Variants in KLRG1 observed in about 807,000 individuals in gnomAD.
KLRG1 encodes killer cell lectin like receptor G1.
Under a neutral mutation model 21.8 loss-of-function variants are expected in KLRG1, and 16 were observed. The ratio of observed to expected loss-of-function variants is 0.73; its 90% confidence interval spans 0.50 to 1.11. KLRG1 has a LOEUF of 1.11. Among genes scored for constraint, KLRG1 ranks in the 50% most tolerant of loss-of-function variants. The probability of loss-of-function intolerance (pLI) is 0.00; values close to 1 mark genes in which losing one functional copy is unlikely to be tolerated. For missense variants in KLRG1, 173 were observed against 218.3 expected (o/e 0.79, Z 1.31); for synonymous variants, 69 against 75.9 (o/e 0.91, Z 0.47).
chr12:8,997,586 G>A (rs1401095219), intron 3 of KLRG1, among the ~76,000 whole-genome samples: 1 of 152,156 alleles, frequency 6.6e-6, no homozygotes, highest in East Asian at 1.9e-4. Context: ...AGTGCTGCTA[G>A]AGAATTTTGT....
the KLRG1 span, among the ~76,000 whole-genome samples, chr12:9,151,274 A>C: frequency 5.9e-5 from 9 of 152,100 alleles, no homozygotes; most frequent in Non-Finnish European, 8.8e-5. Context: ...AGTCCTATTG[A>C]TTTATCACTT....
the KLRG1 span, among the ~76,000 whole-genome samples, chr12:9,144,840 G>A: frequency 4.6e-5 from 7 of 152,178 alleles, no homozygotes; most frequent in East Asian, 5.8e-4. Flanking sequence ...GTTTATTTTC[G>A]TGTTGGAATG....
At chr12:8,968,282 A>G (rs756982371) in intron 1 of KLRG1, among the ~76,000 whole-genome samples, 1 of 132,698 alleles carries the variant, frequency 7.5e-6, no homozygotes, top group East Asian at 1.9e-4. Flanking sequence ...AATCTATACC[A>G]TACAAAGAGA....
chr12:9,091,130 T>G, the KLRG1 span: 1 of 1,518,938 alleles, frequency 6.6e-7, no homozygotes, highest in African/African-American at 1.4e-5. Flanking sequence ...GAGTTTGCAG[T>G]ATTCCTAGGA....
chr12:8,956,838 C>A (rs997063696), intron 1 of KLRG1, among the ~76,000 whole-genome samples: 10 of 152,222 alleles, frequency 6.6e-5, no homozygotes, highest in African/African-American at 1.9e-4. Flanking sequence ...GCAGAAGCTG[C>A]TTGCAGTATA....
the KLRG1 span, chr12:9,115,710 G>A: frequency 7.5e-7 from 1 of 1,336,210 alleles, no homozygotes. Context: ...AGAAAAATCT[G>A]CAATAAATGA....
At chr12:9,074,036 C>T in the KLRG1 span, among the ~76,000 whole-genome samples, 1 of 147,716 alleles carries the variant, frequency 6.8e-6, no homozygotes, top group African/African-American at 2.5e-5. Context: ...TGCAGTGAGC[C>T]GAGATTGCAC....
intron 1 of KLRG1, among the ~76,000 whole-genome samples, chr12:8,960,502 T>G (rs866874263): frequency 2.6e-5 from 4 of 152,208 alleles, no homozygotes; most frequent in African/African-American, 9.7e-5. Flanking sequence ...GGATTTTCAG[T>G]AAAGTTCTGA....
At position 9,009,781 on chromosome 12, in the gene KLRG1, T is replaced by G; in HGVS notation, c.*244T>G. On this transcript the variant is annotated 3_prime_UTR_variant, in exon 5 of 5. Transcript: ENST00000356986. ...ATCTAAGCAAATTTTGAAATAGATG[T>G]TTGTTTTTTGTATTTCTCAGTATGG... The G allele has an allele frequency of 7.1e-7, 1 of 1,413,438 alleles. No homozygotes were observed. The highest frequency in any genetic ancestry group is 1.6e-5 in the South Asian group (1 of 61,948). 87.6% of individuals were successfully genotyped at this position (1,413,438 alleles called of 1,614,324 possible).
chr12:9,201,307 A>G, the KLRG1 span: 2 of 1,519,834 alleles, frequency 1.3e-6, no homozygotes, highest in Non-Finnish European at 1.8e-6. Flanking sequence ...TCCTTATAAG[A>G]TACTTTTTCT....
the KLRG1 span, among the ~76,000 whole-genome samples, chr12:9,033,405 A>G: frequency 6.6e-6 from 1 of 152,004 alleles, no homozygotes; most frequent in African/African-American, 2.4e-5. Context: ...CAATCATACC[A>G]CTGCACTCCA....
At chr12:9,041,586 C>T in the KLRG1 span, among the ~76,000 whole-genome samples, 2 of 152,124 alleles carry the variant, frequency 1.3e-5, no homozygotes, top group East Asian at 1.9e-4. Context: ...GTTATAGAAG[C>T]CTGGCAACTT....
At chr12:9,082,268 T>C in the KLRG1 span, among the ~76,000 whole-genome samples, 1 of 152,208 alleles carries the variant, frequency 6.6e-6, no homozygotes, top group Non-Finnish European at 1.5e-5. Flanking sequence ...ACAGCCCGGA[T>C]TGTGACCCTG....
At chr12:9,209,270 T>C in the KLRG1 span, among the ~76,000 whole-genome samples, 1 of 152,296 alleles carries the variant, frequency 6.6e-6, no homozygotes, top group East Asian at 1.9e-4. Flanking sequence ...ACTTTCTTTC[T>C]CTTTCTCCAT....
chr12:9,109,637 GT>G, the KLRG1 span, among the ~76,000 whole-genome samples: 4 of 152,276 alleles, frequency 2.6e-5, 1 homozygote, highest in Middle Eastern at 0.014. Context: ...AAACAAGAAT[GT>G]TTTAATTTTG....
At chr12:8,981,131 G>T (rs904059070) in intron 1 of KLRG1, among the ~76,000 whole-genome samples, 3 of 152,128 alleles carry the variant, frequency 2.0e-5, no homozygotes, top group African/African-American at 7.2e-5. Flanking sequence ...ATAAGGACTG[G>T]TACATCCTAG....
upstream of KLRG1, among the ~76,000 whole-genome samples, chr12:8,989,300 A>G (rs548284285): frequency 9.2e-5 from 14 of 152,344 alleles, no homozygotes; most frequent in South Asian, 2.5e-3. Context: ...ATTCATAGCT[A>G]GTAACCACTC....
the KLRG1 span, among the ~76,000 whole-genome samples, chr12:9,176,387 A>T: frequency 6.6e-6 from 1 of 152,324 alleles, no homozygotes; most frequent in South Asian, 2.1e-4. Context: ...CTGTGCAGCA[A>T]ATCACCATGG....
At chr12:9,076,043 G>T in the KLRG1 span, among the ~76,000 whole-genome samples, 1 of 152,222 alleles carries the variant, frequency 6.6e-6, no homozygotes, top group East Asian at 1.9e-4. Flanking sequence ...CGCTCATATA[G>T]ACCATGGTAT....
Sources: gnomAD v4.1 joint callset for allele counts (sites outside exome capture counted in the v4.1 genomes callset) on GRCh38, gnomAD v4.1.1 for gene constraint, MANE v1.5 for transcripts, NCBI Gene and HGNC (gene_info 2026-07-23, HGNC 2026-07-21) for gene names.